Variants in GRID2IP observed in about 807,000 individuals in gnomAD.
GRID2IP encodes the protein delphilin.
GRID2IP carries 78 observed loss-of-function variants against 114.3 expected under a neutral mutation model. That is an observed-to-expected ratio of 0.68 (90% CI 0.57 to 0.82). The LOEUF is 0.82. Ranked by LOEUF, GRID2IP falls within the 40% of genes least tolerant of loss-of-function variation. The probability of loss-of-function intolerance (pLI) is 0.00; values close to 1 mark genes in which losing one functional copy is unlikely to be tolerated. For missense variants in GRID2IP, 1,727 were observed against 1,678.5 expected, an observed-to-expected ratio of 1.03 and a Z score of -0.51; for synonymous variants, 809 against 724.0, an observed-to-expected ratio of 1.12 and a Z score of -1.89.
Position 6,502,832 on chromosome 7 carries a change from G to T in GRID2IP, c.3104C>A (p.Pro1035His), listed in dbSNP as rs961436911. ...GAAGCCCGTAGTCTTGTTGGTTTTG[G>T]GCTGTCCATCGTTGAGATAGTTGCC... ...AMGNYLNDGQ[P>H]KTNKTTGFKI... Residue 1035 changes from proline to histidine, a missense_variant, in exon 18 of 22, where the codon CCC becomes CAC. Physicochemically the swap from Pro to His is moderately conservative, Grantham distance 77. Transcript: ENST00000457091. 7 of 1,552,034 alleles carry T rather than the reference G, an allele frequency of 4.5e-6. No individual in the cohort carries two copies. Among genetic ancestry groups the T allele is most frequent in the East Asian group, 4.9e-5 (2 of 40,914 alleles).
At position 6,551,039 on chromosome 7, in the gene GRID2IP, C is replaced by T. The variant is rs9690195; in HGVS notation, c.398G>A (p.Arg133His). The change falls in exon 1 of 22, where the codon CGC becomes CAC. Residue 133 changes from arginine to histidine, a missense_variant. Transcript: ENST00000457091. ...GCTGAACTCTTGGGCCTTGCGCCTG[C>T]GCTCTCGGTGCACCGCGTCCGGGCG... Reference protein sequence around the residue: ...RKRPDAVHRERRRKAQEFSRK... With the variant: ...RKRPDAVHREHRRKAQEFSRK... 367,729 of 1,289,332 alleles carry T rather than the reference C, an allele frequency of 0.29. 53,252 individuals are homozygous for T. Among genetic ancestry groups the T allele is most frequent in the Admixed American group, 0.39 (9,525 of 24,348 alleles). 79.9% of individuals were successfully genotyped at this position (1,289,332 alleles called of 1,614,324 possible).
chr7:6,526,086 C>A lies in GRID2IP; in HGVS notation c.919+138G>T. On this transcript the variant is annotated intron_variant, in intron 4 of 21. Coordinates refer to ENST00000457091, the MANE Select transcript of GRID2IP (RefSeq NM_001145118.2). This position sits in a 1 kb window ranked among gnomAD's most constrained non-coding sequence, Gnocchi z 7.6. ...TGGGACACTCTGGGGACACGGTCTA[C>A]ACAAGGATGGTACCTGACGTGGAGG... is the stretch of plus-strand genomic sequence containing the variant. 1.5e-6 allele frequency: 1 copy of A among 681,348 alleles called. No homozygotes were observed. Among genetic ancestry groups the A allele is most frequent in the South Asian group, 1.6e-5 (1 of 60,758 alleles). 42.2% of individuals were successfully genotyped at this position (681,348 alleles called of 1,614,324 possible).
chr7:6,500,484 G>A (rs930667831), intron 20 of GRID2IP, among the ~76,000 whole-genome samples: 1 of 152,056 alleles, frequency 6.6e-6, no homozygotes, highest in African/African-American at 2.4e-5. Flanking sequence ...AAAAATCCGG[G>A]TGTGAAGTGG....
At chr7:6,542,069 A>AG (rs1445314324) in intron 1 of GRID2IP, among the ~76,000 whole-genome samples, 7 of 152,108 alleles carry the variant, frequency 4.6e-5, no homozygotes, top group Non-Finnish European at 8.8e-5. Context: ...TGGGAGGCCA[A>AG]GGGGGGCGGA....
chr7:6,543,875 C>T (rs192715197), intron 1 of GRID2IP, among the ~76,000 whole-genome samples: 1 of 152,142 alleles, frequency 6.6e-6, no homozygotes, highest in Non-Finnish European at 1.5e-5. Context: ...TGGCTCACTG[C>T]AACCTCCACC....
At chr7:6,505,010 C>T in intron 14 of GRID2IP, 140 bp from the exon 15 acceptor site, 1 of 686,900 alleles carries the variant, frequency 1.5e-6, no homozygotes, top group Non-Finnish European at 2.6e-6. Flanking sequence ...TCCATAGTCC[C>T]TTCATTCCTC....
chr7:6,515,366 G>A (rs1371389114), intron 7 of GRID2IP, among the ~76,000 whole-genome samples: 1 of 152,130 alleles, frequency 6.6e-6, no homozygotes, highest in Non-Finnish European at 1.5e-5. Flanking sequence ...GGAGGCTGAA[G>A]TAGGAGAATC....
Position 6,521,896 on chromosome 7 carries a change from C to T in GRID2IP, c.981G>A (p.Leu327=), listed in dbSNP as rs1779419442. 1.9e-6 allele frequency: 3 copies of T among 1,550,716 alleles called. No individual in the cohort carries two copies. The highest frequency in any genetic ancestry group is 4.9e-5 in the East Asian group (2 of 40,898). The stretch of plus-strand genomic sequence containing the variant: ...CCCCAATAGCCTCTGACCTCATGTC[C>T]AGTCCATTGAGGAAGAGGATCCGGT... ...SGDRILFLNG[L]DMRNCSHDKV... Residue 327 remains leucine, a synonymous_variant, in exon 5 of 22, where the codon CTG becomes CTA. Coordinates refer to ENST00000457091, the MANE Select transcript of GRID2IP (RefSeq NM_001145118.2). This position sits in a 1 kb window ranked among gnomAD's most constrained non-coding sequence, Gnocchi z 4.1.
chr7:6,501,741 G>T, intron 20 of GRID2IP, 40 bp downstream of exon 20: 2 of 1,460,470 alleles, frequency 1.4e-6, no homozygotes, highest in Non-Finnish European at 1.9e-6. Context: ...AACCACCCCA[G>T]GATCCAGCCT....
At chr7:6,540,826 C>T (rs1301535760) in intron 1 of GRID2IP, among the ~76,000 whole-genome samples, 1 of 150,826 alleles carries the variant, frequency 6.6e-6, no homozygotes. Context: ...CCACCGCACA[C>T]AGCCAATTTA....
rs1429082432 is a variant in GRID2IP, at chr7:6,508,941, C to A, written c.2127+17G>T. On this transcript the variant is annotated intron_variant, in intron 12 of 21. Coordinates refer to ENST00000457091, the MANE Select transcript of GRID2IP (RefSeq NM_001145118.2). This position sits in a 1 kb window ranked among gnomAD's most constrained non-coding sequence, Gnocchi z 5.6. The stretch of plus-strand genomic sequence containing the variant: ...CTCGCCTCACCCGCCTCCCTCCACA[C>A]CTGCTTGCGTGCCCACCTCCTCGTA... The A allele has an allele frequency of 1.9e-6, 3 of 1,541,604 alleles. No homozygotes were observed. The highest frequency in any genetic ancestry group is 1.4e-5 in the African/African-American group (1 of 72,994).
chr7:6,544,482 T>C (rs903690489), intron 1 of GRID2IP, among the ~76,000 whole-genome samples: 1 of 151,550 alleles, frequency 6.6e-6, no homozygotes, highest in African/African-American at 2.4e-5. Flanking sequence ...GGTTTCTCCA[T>C]GTTGGCCAGG....
At chr7:6,548,346 G>C (rs1009055699) in intron 1 of GRID2IP, among the ~76,000 whole-genome samples, 5 of 151,342 alleles carry the variant, frequency 3.3e-5, no homozygotes, top group Non-Finnish European at 5.9e-5. Context: ...CGAGACTCTG[G>C]CTCCAAAAAA....
Position 6,505,870 on chromosome 7 carries a change from A to T in GRID2IP, c.2582T>A (p.Met861Lys), listed in dbSNP as rs950763293. The T allele has an allele frequency of 3.2e-6, 5 of 1,552,086 alleles. No individual in the cohort carries two copies. Among genetic ancestry groups the T allele is most frequent in the Non-Finnish European group, 4.4e-6 (5 of 1,147,032 alleles). Residue 861 changes from methionine to lysine, a missense_variant, in exon 14 of 22, where the codon ATG becomes AAG. Met to Lys is a moderately conservative substitution (Grantham distance 95). Transcript: ENST00000457091. ...EDSDYDKLSD[M>K]VKYLDLELHF... The stretch of plus-strand genomic sequence containing the variant: ...GAGCTCCAGGTCGAGGTATTTCACC[A>T]TGTCACTCAGCTTATCGTAGTCAGA...
At position 6,542,030 on chromosome 7, in the gene GRID2IP, G is replaced by A. The variant is rs140991403; in HGVS notation, c.430-2158C>T. On this transcript the variant is annotated intron_variant, in intron 1 of 21. Coordinates refer to ENST00000457091, the MANE Select transcript of GRID2IP (RefSeq NM_001145118.2). ...AAAGAGGAAAATCTCAGCCAGGCGC[G>A]GTGGCTCACACCTGTAATCCCAGCA... 1.9e-4 allele frequency among the ~76,000 whole-genome samples: 29 copies of A among 152,222 alleles called. 1 individual carries two copies. Among genetic ancestry groups the A allele is most frequent in the African/African-American group, 6.7e-4 (28 of 41,518 alleles).
intron 2 of GRID2IP, among the ~76,000 whole-genome samples, chr7:6,535,783 CCT>C (rs1779713896): frequency 1.3e-5 from 2 of 152,124 alleles, no homozygotes; most frequent in Non-Finnish European, 2.9e-5. Flanking sequence ...CCCTCTACTC[CCT>C]GTTGGGTGGT....
chr7:6,551,010 T>G lies in GRID2IP; in HGVS notation c.427A>C (p.Lys143Gln). The change falls in exon 1 of 22, where the codon AAG becomes CAG. Residue 143 changes from lysine to glutamine, a missense_variant and splice_region_variant. Lys to Gln is a moderately conservative substitution (Grantham distance 53). Coordinates refer to ENST00000457091, the MANE Select transcript of GRID2IP (RefSeq NM_001145118.2). ...CACCTCCCACCCCCGCGCCTTACCT[T>G]GCGGCTGAACTCTTGGGCCTTGCGC... ...RRRKAQEFSR[K>Q]VDEILGDQPT... 1.1e-5 allele frequency: 13 copies of G among 1,158,498 alleles called. No individual in the cohort carries two copies. The highest frequency in any genetic ancestry group is 1.3e-5 in the Non-Finnish European group (12 of 934,554). 71.8% of individuals were successfully genotyped at this position (1,158,498 alleles called of 1,614,324 possible).
At position 6,501,931 on chromosome 7, in the gene GRID2IP, C is replaced by A. The variant is rs950440211; in HGVS notation, c.3281-32G>T. The stretch of plus-strand genomic sequence containing the variant: ...GGAAGAGGACAGGGGCTGCATGGGG[C>A]CACTCTCCCAGCCCAGGACAGCATG... On this transcript the variant is annotated intron_variant, in intron 19 of 21. Coordinates refer to ENST00000457091, the MANE Select transcript of GRID2IP (RefSeq NM_001145118.2). 1.9e-6 allele frequency: 3 copies of A among 1,550,162 alleles called. No individual in the cohort carries two copies. The African/African-American group carries it at 4.1e-5, about 21-fold the overall frequency.
chr7:6,502,652 CT>C, intron 18 of GRID2IP, 133 bp downstream of exon 18: 2 of 450,942 alleles, frequency 4.4e-6, no homozygotes, highest in East Asian at 7.8e-5. Context: ...CAATGTGGCC[CT>C]TTTCCTGCTA....
Sources: allele counts gnomAD v4.1 joint callset (sites outside exome capture counted in the v4.1 genomes callset), GRCh38; gene constraint gnomAD v4.1.1; non-coding constraint Gnocchi (gnomAD v3.1); transcripts MANE v1.5; gene names NCBI Gene and HGNC (gene_info 2026-07-23, HGNC 2026-07-21).